Variants in MYO1E observed in about 807,000 individuals in gnomAD.
MYO1E encodes unconventional myosin-Ie.
Under a neutral mutation model 151.1 loss-of-function variants are expected in MYO1E, and 68 were observed. The observed-to-expected ratio is 0.45, with a 90% CI of 0.37 to 0.55. The LOEUF is 0.55. Ranked by LOEUF, MYO1E falls within the 20% of genes least tolerant of loss-of-function variation. The pLI is 0.00. For synonymous variants in MYO1E, 601 were observed against 501.7 expected (o/e 1.20, Z -2.64); for missense variants, 1,363 against 1,389.3 (o/e 0.98, Z 0.30).
At chr15:59,222,513 G>A (rs1484897937) in intron 9 of MYO1E, among the ~76,000 whole-genome samples, 2 of 152,178 alleles carry the variant, frequency 1.3e-5, no homozygotes, top group African/African-American at 2.4e-5. Flanking sequence ...CATTAAAAGT[G>A]ATCATCAGAA....
At chr15:59,259,371 G>C (rs2080212424) in intron 3 of MYO1E, among the ~76,000 whole-genome samples, 1 of 152,120 alleles carries the variant, frequency 6.6e-6, no homozygotes. Context: ...TTCCATGTTG[G>C]TTTGGTTTGG....
intron 5 of MYO1E, among the ~76,000 whole-genome samples, chr15:59,234,245 GGTGC>G (rs67550010): frequency 0.5 from 71,415 of 143,790 alleles, 19,062 homozygotes; most frequent in Non-Finnish European, 0.62. Flanking sequence ...TGGATGGATG[GGTGC>G]ATGGATGGAT....
At chr15:59,273,309 A>G (rs1488028971) in intron 1 of MYO1E, among the ~76,000 whole-genome samples, 2 of 152,186 alleles carry the variant, frequency 1.3e-5, no homozygotes, top group Non-Finnish European at 2.9e-5. Context: ...CCATGTGTTC[A>G]GCTACGTGAC....
At chr15:59,233,890 C>CAAA (rs11445698) in intron 5 of MYO1E, among the ~76,000 whole-genome samples, 69 of 147,616 alleles carry the variant, frequency 4.7e-4, no homozygotes, top group South Asian at 1.1e-3. Context: ...GACTTAGTAC[C>CAAA]AAAAAAAAAA....
intron 4 of MYO1E, among the ~76,000 whole-genome samples, chr15:59,237,118 A>G (rs1188024345): frequency 2.0e-5 from 3 of 152,260 alleles, no homozygotes; most frequent in Non-Finnish European, 2.9e-5. Flanking sequence ...CTTAAAAAAA[A>G]GACTGGAACT....
At chr15:59,333,936 G>A (rs895200710) in intron 1 of MYO1E, among the ~76,000 whole-genome samples, 4 of 152,178 alleles carry the variant, frequency 2.6e-5, no homozygotes, top group Non-Finnish European at 5.9e-5. Context: ...AAAGGTAAGC[G>A]ACTTCCTGAC....
intron 1 of MYO1E, among the ~76,000 whole-genome samples, chr15:59,281,937 C>A (rs1690280358): frequency 6.7e-6 from 1 of 150,194 alleles, no homozygotes; most frequent in African/African-American, 2.5e-5. Context: ...GCACTCCAGC[C>A]TGGTGACAAA....
Position 59,138,177 on chromosome 15 carries a change from GC to G in MYO1E, c.3250+20del. Reference sequence around the variant, plus strand: ...GCATGCTCTTTGGGAGGCTGTCCCAGCCAACCAGCCACACACTTACCTTCTT... The same window carrying G: ...GCATGCTCTTTGGGAGGCTGTCCCAGCAACCAGCCACACACTTACCTTCTT... On this transcript the variant is annotated intron_variant, in intron 27 of 27. Coordinates refer to ENST00000288235, the MANE Select transcript of MYO1E (RefSeq NM_004998.4). The G allele has an allele frequency of 6.2e-7, 1 of 1,613,338 alleles. No individual in the cohort carries two copies. Among genetic ancestry groups the G allele is most frequent in the Admixed American group, 1.7e-5 (1 of 59,976 alleles).
In MYO1E at chr15:59,319,531, G is replaced by C. The variant is rs1469177004; in HGVS notation, c.4-47082C>G. Among the ~76,000 whole-genome samples the C allele has an allele frequency of 2.4e-5, 3 of 127,272 alleles. No homozygotes were observed. The South Asian group carries it at 8.3e-4, about 35-fold the overall frequency. The allele number at this position is 127,272 out of a possible 152,430, so 83.5% of individuals were successfully genotyped here. The stretch of plus-strand genomic sequence containing the variant: ...GAAAGAAAGAAAAGGCACCAAGATA[G>C]GAAAAGAAGTCAAACTACCTTTTTT... On this transcript the variant is annotated intron_variant, in intron 1 of 27. Transcript: ENST00000288235.
rs368761394 is a variant in MYO1E, at chr15:59,216,666, G to GTATATATATA, written c.1107+1215_1107+1224dup. Among the ~76,000 whole-genome samples, 14 of 30,886 alleles carry GTATATATATA rather than the reference G, an allele frequency of 4.5e-4. 1 individual carries two copies. Among genetic ancestry groups the GTATATATATA allele is most frequent in the African/African-American group, 7.7e-4 (7 of 9,070 alleles). The allele number at this position is 30,886 out of a possible 152,430, so 20.3% of individuals were successfully genotyped here. On this transcript the variant is annotated intron_variant, in intron 10 of 27. Transcript: ENST00000288235. The stretch of plus-strand genomic sequence containing the variant: ...CCAGTGTGTGTGTGTGTGTGTATGT[G>GTATATATATA]TATATATATATATATATATACACAT...
At chr15:59,290,995 A>G (rs183093761) in intron 1 of MYO1E, among the ~76,000 whole-genome samples, 1 of 152,318 alleles carries the variant, frequency 6.6e-6, no homozygotes, top group East Asian at 1.9e-4. Flanking sequence ...TCACACAATT[A>G]AAGTACAAGA....
At chr15:59,141,063 G>A (rs1680093864) in intron 26 of MYO1E, among the ~76,000 whole-genome samples, 1 of 152,120 alleles carries the variant, frequency 6.6e-6, no homozygotes, top group Admixed American at 6.5e-5. Flanking sequence ...CTATATATTG[G>A]GATGTGTCAG....
intron 1 of MYO1E, among the ~76,000 whole-genome samples, chr15:59,313,732 T>C (rs1488335006): frequency 2.0e-5 from 3 of 152,228 alleles, no homozygotes; most frequent in Non-Finnish European, 4.4e-5. Flanking sequence ...GGACTCTGTG[T>C]CTGGCCAATG....
At chr15:59,186,589 G>A (rs1289928489) in intron 18 of MYO1E, among the ~76,000 whole-genome samples, 1 of 152,046 alleles carries the variant, frequency 6.6e-6, no homozygotes, top group Non-Finnish European at 1.5e-5. Context: ...CTGTCTCTAC[G>A]AAAAGTAAAA....
chr15:59,309,477 A>C (rs1279647716), intron 1 of MYO1E, among the ~76,000 whole-genome samples: 1 of 152,210 alleles, frequency 6.6e-6, no homozygotes, highest in Non-Finnish European at 1.5e-5. Context: ...AATGCTACTG[A>C]AGAATAACAG....
At chr15:59,236,755 A>C in intron 4 of MYO1E, 83 bp from the exon 5 acceptor site, 1 of 1,280,546 alleles carries the variant, frequency 7.8e-7, no homozygotes, top group Non-Finnish European at 1.1e-6. Context: ...ACACAAAACA[A>C]ACAAACAAAC....
chr15:59,181,788 G>A (rs1430248313), intron 18 of MYO1E, among the ~76,000 whole-genome samples: 1 of 152,240 alleles, frequency 6.6e-6, no homozygotes, highest in Non-Finnish European at 1.5e-5. Context: ...ACATGCAGAT[G>A]TGGATAGTTG....
intron 1 of MYO1E, among the ~76,000 whole-genome samples, chr15:59,340,975 C>T (rs1297895445): frequency 2.7e-5 from 4 of 147,310 alleles, no homozygotes; most frequent in Non-Finnish European, 4.5e-5. Context: ...GCTGAGATCC[C>T]GCCACAGCAC....
At chr15:59,154,963 A>G (rs2140307524) in intron 25 of MYO1E, among the ~76,000 whole-genome samples, 1 of 152,290 alleles carries the variant, frequency 6.6e-6, no homozygotes, top group African/African-American at 2.4e-5. Flanking sequence ...GTCAGACCAG[A>G]TCAGAACTAG....
Sources: allele counts gnomAD v4.1 joint callset (sites outside exome capture counted in the v4.1 genomes callset), GRCh38; gene constraint gnomAD v4.1.1; transcripts MANE v1.5; gene names NCBI Gene and HGNC (gene_info 2026-07-23, HGNC 2026-07-21).